The following UMAD1 variants were observed in gnomAD, a reference collection of about 807,000 sequenced individuals.
The protein encoded by UMAD1 is UBAP1-MVB12-associated (UMA)-domain containing protein 1.
UMAD1 carries 8 observed loss-of-function variants against 6.1 expected under a neutral mutation model. The ratio of observed to expected loss-of-function variants is 1.30; its 90% CI spans 0.76 to 2.35. UMAD1 has a LOEUF of 2.35. UMAD1 is among the 30% of genes most tolerant of loss of function. The pLI, the probability that UMAD1 is intolerant of heterozygous loss-of-function variation, is 0.00. For synonymous variants in UMAD1, 56 were observed against 31.4 expected (o/e 1.78, Z -2.61); for missense variants, 130 against 78.4 (o/e 1.66, Z -2.49).
intron 3 of UMAD1, among the ~76,000 whole-genome samples, chr7:7,855,767 A>C (rs1440874667): frequency 2.6e-5 from 4 of 152,234 alleles, no homozygotes; most frequent in African/African-American, 4.8e-5. Flanking sequence ...TCTCCAGAAA[A>C]TGGGTTTTTA....
chr7:7,775,431 G>A (rs778246521), intron 2 of UMAD1, among the ~76,000 whole-genome samples: 18 of 152,200 alleles, frequency 1.2e-4, no homozygotes, highest in South Asian at 2.1e-4. Flanking sequence ...ATAAGTGTCT[G>A]GCATTTTCCC....
At chr7:7,644,686 T>C (rs1035425984) in intron 1 of UMAD1, among the ~76,000 whole-genome samples, 1 of 152,216 alleles carries the variant, frequency 6.6e-6, no homozygotes, top group Non-Finnish European at 1.5e-5. Flanking sequence ...GTGGAGTCAA[T>C]TCTATTCTAT....
At chr7:7,714,654 T>C (rs922165485) in intron 2 of UMAD1, among the ~76,000 whole-genome samples, 1 of 152,138 alleles carries the variant, frequency 6.6e-6, no homozygotes, top group Non-Finnish European at 1.5e-5. Flanking sequence ...GTATTATATG[T>C]TGGACTTACA....
intron 2 of UMAD1, among the ~76,000 whole-genome samples, chr7:7,752,792 A>C (rs1288965134): frequency 6.6e-6 from 1 of 152,096 alleles, no homozygotes; most frequent in East Asian, 1.9e-4. Context: ...TCTGAATTTC[A>C]TGATGTTTAT....
chr7:7,731,146 G>A (rs984283865), intron 2 of UMAD1, among the ~76,000 whole-genome samples: 4 of 152,020 alleles, frequency 2.6e-5, no homozygotes, highest in African/African-American at 4.8e-5. Flanking sequence ...CTACAAGTGC[G>A]TGCCACCACG....
At chr7:7,643,007 G>C (rs1263810008) in intron 1 of UMAD1, among the ~76,000 whole-genome samples, 5 of 152,080 alleles carry the variant, frequency 3.3e-5, no homozygotes, top group African/African-American at 1.2e-4. Context: ...AATGTACGTA[G>C]ATCATATTTT....
intron 3 of UMAD1, among the ~76,000 whole-genome samples, chr7:7,812,507 G>C (rs1783039209): frequency 6.6e-6 from 1 of 152,162 alleles, no homozygotes. Context: ...TAGAATCTAA[G>C]AACTGGAACA....
intron 2 of UMAD1, among the ~76,000 whole-genome samples, chr7:7,695,254 A>G (rs1780281666): frequency 6.6e-6 from 1 of 152,160 alleles, no homozygotes; most frequent in African/African-American, 2.4e-5. Flanking sequence ...CCGTGCAATA[A>G]TTTGTTTACT....
At chr7:7,705,054 A>G (rs926508578) in intron 2 of UMAD1, among the ~76,000 whole-genome samples, 1 of 152,252 alleles carries the variant, frequency 6.6e-6, no homozygotes, top group African/African-American at 2.4e-5. Context: ...AGGACTACTG[A>G]CATTCTTTCT....
At chr7:7,676,046 A>T in intron 2 of UMAD1, 1 of 398,162 alleles carries the variant, frequency 2.5e-6, no homozygotes, top group Non-Finnish European at 4.4e-6. Flanking sequence ...CTCAGCTCTT[A>T]CTTCCTCTGT....
chr7:7,666,178 A>G (rs956944975), intron 1 of UMAD1, among the ~76,000 whole-genome samples: 2 of 131,180 alleles, frequency 1.5e-5, no homozygotes, highest in East Asian at 4.9e-4. Context: ...CACTTGGGAA[A>G]GTGTTTTTTG....
chr7:7,739,661 TA>T (rs2115203609), intron 2 of UMAD1, among the ~76,000 whole-genome samples: 1 of 152,326 alleles, frequency 6.6e-6, no homozygotes, highest in South Asian at 2.1e-4. Flanking sequence ...ATATTTATAT[TA>T]GGGTCAAAAA....
At chr7:7,687,313 G>A (rs1015792911) in intron 2 of UMAD1, 1 of 152,176 alleles carries the variant, frequency 6.6e-6, no homozygotes, top group African/African-American at 2.4e-5. Context: ...GAAGCAAAAG[G>A]AAACTGTACA....
At chr7:7,794,463 A>T (rs972115213) in intron 2 of UMAD1, among the ~76,000 whole-genome samples, 2 of 152,106 alleles carry the variant, frequency 1.3e-5, no homozygotes, top group African/African-American at 4.8e-5. Flanking sequence ...AAGATCCTAA[A>T]CCCCCACAAC....
intron 2 of UMAD1, among the ~76,000 whole-genome samples, chr7:7,798,657 A>G (rs1411320944): frequency 6.6e-6 from 1 of 152,150 alleles, no homozygotes; most frequent in Non-Finnish European, 1.5e-5. Context: ...CTCTCTTCAC[A>G]CCCTGTTCCC....
chr7:7,863,780 A>T (rs1467652136), intron 3 of UMAD1, among the ~76,000 whole-genome samples: 1 of 152,080 alleles, frequency 6.6e-6, no homozygotes, highest in African/African-American at 2.4e-5. Context: ...GGACTTGTGC[A>T]CTCCCACTGT....
intron 2 of UMAD1, among the ~76,000 whole-genome samples, chr7:7,771,192 G>T (rs1417009346): frequency 1.3e-5 from 2 of 151,722 alleles, no homozygotes; most frequent in Middle Eastern, 3.4e-3. Flanking sequence ...AGCAAAACCA[G>T]CCTAAGTTGT....
chr7:7,850,954 GA>G (rs994882927), intron 3 of UMAD1, among the ~76,000 whole-genome samples: 34 of 151,974 alleles, frequency 2.2e-4, no homozygotes, highest in African/African-American at 7.2e-4. Context: ...AATATTTGGG[GA>G]AAAAATGAAA....
At chr7:7,663,491 A>G (rs184361392) in intron 1 of UMAD1, among the ~76,000 whole-genome samples, 23 of 152,310 alleles carry the variant, frequency 1.5e-4, no homozygotes, top group African/African-American at 5.5e-4. Flanking sequence ...CTACAAAATA[A>G]AAAACCTAGG....
Sources: gnomAD v4.1 joint callset for allele counts (sites outside exome capture counted in the v4.1 genomes callset) on GRCh38, gnomAD v4.1.1 for gene constraint, MANE v1.5 for transcripts, NCBI Gene and HGNC (gene_info 2026-07-23, HGNC 2026-07-21) for gene names.